Variants in TUBGCP3 observed in about 807,000 individuals in gnomAD.
TUBGCP3 encodes the protein tubulin gamma complex component 3, also known as gamma-tubulin complex component 3.
TUBGCP3 carries 50 observed loss-of-function variants against 123.1 expected under a neutral mutation model. The observed-to-expected ratio is 0.41, with a 90% CI of 0.32 to 0.51. TUBGCP3 has a LOEUF of 0.51. Ranked by LOEUF, TUBGCP3 falls within the 20% of genes least tolerant of loss-of-function variation. TUBGCP3 has a pLI of 0.36. For synonymous variants in TUBGCP3, 405 were observed against 413.9 expected (o/e 0.98, Z 0.26); for missense variants, 882 against 1,127.0 (o/e 0.78, Z 3.11).
In TUBGCP3 at chr13:112,515,587, G is replaced by T. The variant is rs114257637; in HGVS notation, c.2086+853C>A. ...CCGTCCAGTGGCAGCACATTCATAA[G>T]AAGGGTACCCTGCCCGCAGCCATCA... On this transcript the variant is annotated intron_variant, in intron 17 of 21. Transcript: ENST00000261965. Among the ~76,000 whole-genome samples the T allele has an allele frequency of 6.1e-3, 929 of 152,324 alleles. 9 individuals carry two copies. Among genetic ancestry groups the T allele is most frequent in the African/African-American group, 0.021 (884 of 41,578 alleles).
At chr13:112,563,660 G>A (rs914683929) in intron 3 of TUBGCP3, among the ~76,000 whole-genome samples, 6 of 148,082 alleles carry the variant, frequency 4.1e-5, no homozygotes, top group African/African-American at 1.5e-4. Flanking sequence ...TCAGGAGATC[G>A]AGACCATCCT....
upstream of TUBGCP3, among the ~76,000 whole-genome samples, chr13:112,592,675 G>A (rs1882902566): frequency 6.6e-6 from 1 of 152,230 alleles, no homozygotes; most frequent in South Asian, 2.1e-4. This position sits in a 1 kb window ranked among gnomAD's most constrained non-coding sequence, Gnocchi z 4.1. Flanking sequence ...CCCTGAAAAG[G>A]AGGCTTTGGC....
chr13:112,515,522 C>A lies in TUBGCP3; in HGVS notation c.2086+918G>T, dbSNP rs367818196. Among the ~76,000 whole-genome samples, 15 of 152,340 alleles carry A rather than the reference C, an allele frequency of 9.8e-5. No individual in the cohort carries two copies. In the South Asian group the frequency reaches 3.1e-3, roughly 32 times the overall value. On this transcript the variant is annotated intron_variant, in intron 17 of 21. Transcript: ENST00000261965. ...GAAAGGAGACCCGCAGAGCCCCAGGCGTGCATGCAGCCCTCTCAGCACGGC... is the reference window on the plus strand; with the variant it reads ...GAAAGGAGACCCGCAGAGCCCCAGGAGTGCATGCAGCCCTCTCAGCACGGC...
At chr13:112,509,335 C>G (rs1277926533) in intron 17 of TUBGCP3, among the ~76,000 whole-genome samples, 1 of 152,208 alleles carries the variant, frequency 6.6e-6, no homozygotes, top group African/African-American at 2.4e-5. Context: ...TGGTTTGTCA[C>G]CTTGTCACTG....
intron 14 of TUBGCP3, among the ~76,000 whole-genome samples, chr13:112,520,299 TGGGA>T (rs1296219718): frequency 6.6e-6 from 1 of 152,070 alleles, no homozygotes; most frequent in Non-Finnish European, 1.5e-5. Context: ...GAGGCCAAGG[TGGGA>T]GGATCACCTG....
intron 17 of TUBGCP3, 55 bp from the exon 18 acceptor site, chr13:112,504,769 G>T: frequency 7.1e-7 from 1 of 1,415,124 alleles, no homozygotes; most frequent in Non-Finnish European, 1.0e-6. Flanking sequence ...TACCGACAAC[G>T]CGCTGTTCTC....
At chr13:112,548,910 T>G (rs1879298854) in intron 8 of TUBGCP3, among the ~76,000 whole-genome samples, 1 of 152,162 alleles carries the variant, frequency 6.6e-6, no homozygotes, top group African/African-American at 2.4e-5. Context: ...GTTCAACCAT[T>G]GTGGAAGACA....
intron 8 of TUBGCP3, among the ~76,000 whole-genome samples, chr13:112,550,640 G>A (rs2139192636): frequency 6.6e-6 from 1 of 152,328 alleles, no homozygotes; most frequent in South Asian, 2.1e-4. Context: ...GCACAGTGTG[G>A]GCACAAAGGT....
Position 112,545,392 on chromosome 13 carries a change from C to A in TUBGCP3, c.1335+307G>T. On this transcript the variant is annotated intron_variant, in intron 11 of 21. Transcript: ENST00000261965. This position sits in a 1 kb window ranked among gnomAD's most constrained non-coding sequence, Gnocchi z 4.1. ...CAGCAGAATCTGCGATGATGACTGC[C>A]CCAAGACTCAGGAGGCCTCGTCCTG... is the stretch of plus-strand genomic sequence containing the variant. 1 of 320,530 alleles carries A rather than the reference C, an allele frequency of 3.1e-6. No individual in the cohort carries two copies. Among genetic ancestry groups the A allele is most frequent in the Non-Finnish European group, 5.9e-6 (1 of 168,076 alleles). 19.9% of individuals were successfully genotyped at this position (320,530 alleles called of 1,614,324 possible). A position where few individuals can be genotyped will look rare whatever the true frequency, so the allele number is the denominator to read the frequency against.
chr13:112,516,591 A>G lies in TUBGCP3; in HGVS notation c.1951-16T>C, dbSNP rs375821619. The G allele has an allele frequency of 1.2e-5, 19 of 1,610,432 alleles. No homozygotes were observed. Among genetic ancestry groups the G allele is most frequent in the Non-Finnish European group, 1.6e-5 (19 of 1,178,366 alleles). Reference sequence around the variant, plus strand: ...GAGTAAACACCTGGGATAACAGCAGAAGACAAGTTGATAGTATTCCCACGT... The same window carrying G: ...GAGTAAACACCTGGGATAACAGCAGGAGACAAGTTGATAGTATTCCCACGT... On this transcript the variant is annotated splice_polypyrimidine_tract_variant and intron_variant, in intron 16 of 21. Transcript: ENST00000261965.
the TUBGCP3 span, among the ~76,000 whole-genome samples, chr13:112,597,619 A>G: frequency 6.6e-6 from 1 of 152,212 alleles, no homozygotes; most frequent in Non-Finnish European, 1.5e-5. Flanking sequence ...AATTTAGAGA[A>G]CAACAACAAA....
intron 1 of TUBGCP3, among the ~76,000 whole-genome samples, chr13:112,585,951 AG>A (rs1376866486): frequency 3.3e-5 from 5 of 151,436 alleles, no homozygotes; most frequent in Non-Finnish European, 7.4e-5. Context: ...AAAAAAAAAA[AG>A]TTTTTGGCTG....
intron 21 of TUBGCP3, among the ~76,000 whole-genome samples, chr13:112,488,601 C>T (rs562251847): frequency 6.6e-6 from 1 of 151,202 alleles, no homozygotes; most frequent in South Asian, 2.1e-4. Context: ...GCGCAGGGGC[C>T]ACCCCCAGGT....
intron 8 of TUBGCP3, among the ~76,000 whole-genome samples, chr13:112,550,880 T>C (rs183768594): frequency 2.4e-3 from 373 of 152,280 alleles, no homozygotes; most frequent in Middle Eastern, 0.01. Flanking sequence ...GGGCAGATCA[T>C]GAGGTCAGGA....
At chr13:112,547,898 G>T in intron 9 of TUBGCP3, 146 bp from the exon 10 acceptor site, 1 of 1,123,592 alleles carries the variant, frequency 8.9e-7, no homozygotes, top group Non-Finnish European at 1.2e-6. Context: ...GTATTTTAAA[G>T]CTACCTTTAA....
chr13:112,594,860 G>T, the TUBGCP3 span, among the ~76,000 whole-genome samples: 1 of 152,160 alleles, frequency 6.6e-6, no homozygotes, highest in Non-Finnish European at 1.5e-5. Flanking sequence ...TTTTTCATGT[G>T]TTTGGAGATT....
In TUBGCP3 at chr13:112,573,393, C is replaced by T. The variant is rs1037248593; in HGVS notation, c.77-4134G>A. Among the ~76,000 whole-genome samples, 4 of 152,020 alleles carry T rather than the reference C, an allele frequency of 2.6e-5. No individual in the cohort carries two copies. In the East Asian group the frequency reaches 7.7e-4, roughly 29 times the overall value. ...AGCCAAGACAAGGAAATCACCAGAT[C>T]AGCCCAGGCAGAAGTGGGGAGGGAG... On this transcript the variant is annotated intron_variant, in intron 1 of 21. Coordinates refer to ENST00000261965, the MANE Select transcript of TUBGCP3 (RefSeq NM_006322.6).
chr13:112,488,131 CAA>C (rs35453839), intron 21 of TUBGCP3, among the ~76,000 whole-genome samples: 19 of 53,416 alleles, frequency 3.6e-4, no homozygotes, highest in Non-Finnish European at 4.3e-4. Context: ...GACTTGGTCT[CAA>C]AAAAAAAAAA....
At chr13:112,502,866 AT>A (rs1881025629) in intron 19 of TUBGCP3, among the ~76,000 whole-genome samples, 1 of 151,924 alleles carries the variant, frequency 6.6e-6, no homozygotes, top group Non-Finnish European at 1.5e-5. Flanking sequence ...TTAATTATTA[AT>A]TATCCTCAAA....
Sources: allele counts gnomAD v4.1 joint callset (sites outside exome capture counted in the v4.1 genomes callset), GRCh38; gene constraint gnomAD v4.1.1; non-coding constraint Gnocchi (gnomAD v3.1); transcripts MANE v1.5; gene names NCBI Gene and HGNC (gene_info 2026-07-23, HGNC 2026-07-21).